Variants in GRIP1 observed in about 807,000 individuals in gnomAD.
The protein encoded by GRIP1 is glutamate receptor interacting protein 1.
In GRIP1, 45 loss-of-function variants were observed where a neutral mutation model predicts 129.9. The ratio of observed to expected loss-of-function variants is 0.35; its 90% CI spans 0.27 to 0.44. The LOEUF is 0.44. GRIP1 is among the 20% of genes least tolerant of loss of function. GRIP1 has a pLI of 1.00. For synonymous variants in GRIP1, 530 were observed against 520.8 expected, an observed-to-expected ratio of 1.02 and a Z score of -0.24; for missense variants, 1,196 against 1,396.8, an observed-to-expected ratio of 0.86 and a Z score of 2.29.
intron 1 of GRIP1, among the ~76,000 whole-genome samples, chr12:66,810,720 T>C (rs186975468): frequency 1.3e-5 from 2 of 152,326 alleles, no homozygotes; most frequent in African/African-American, 4.8e-5. Context: ...AGCATTGTGA[T>C]AACCCAAAAT....
At chr12:66,554,995 C>A (rs2062274286) in intron 2 of GRIP1, among the ~76,000 whole-genome samples, 1 of 152,204 alleles carries the variant, frequency 6.6e-6, no homozygotes, top group Non-Finnish European at 1.5e-5. Flanking sequence ...ACTCTTCACC[C>A]TGAAGGATGG....
intron 1 of GRIP1, among the ~76,000 whole-genome samples, chr12:66,699,186 G>A (rs2035265431): frequency 6.6e-6 from 1 of 152,166 alleles, no homozygotes; most frequent in Admixed American, 6.5e-5. Flanking sequence ...CTTAAGGAGG[G>A]TAAGTCTAGT....
At chr12:66,390,676 T>C (rs1160713420) in intron 19 of GRIP1, among the ~76,000 whole-genome samples, 1 of 152,136 alleles carries the variant, frequency 6.6e-6, no homozygotes, top group Admixed American at 6.5e-5. Flanking sequence ...AAATCTCTGG[T>C]AACAAAAATA....
chr12:66,970,265 A>G (rs2137570025), intron 1 of GRIP1, among the ~76,000 whole-genome samples: 1 of 152,206 alleles, frequency 6.6e-6, no homozygotes, highest in East Asian at 1.9e-4. Flanking sequence ...TATTTTTTGT[A>G]TAGATGGGGT....
chr12:66,991,162 A>T (rs1270351197), intron 1 of GRIP1, among the ~76,000 whole-genome samples: 1 of 147,170 alleles, frequency 6.8e-6, no homozygotes, highest in Non-Finnish European at 1.5e-5. Flanking sequence ...AGTCCCAGCT[A>T]CTCGGGAGGC....
intron 1 of GRIP1, among the ~76,000 whole-genome samples, chr12:66,874,641 A>AAG (rs1397574275): frequency 3.4e-4 from 51 of 151,788 alleles, no homozygotes; most frequent in African/African-American, 2.2e-4. Context: ...GAGCAGAAGG[A>AAG]AGAGAGAGAG....
chr12:66,929,818 T>C (rs926694183), intron 1 of GRIP1, among the ~76,000 whole-genome samples: 4 of 152,322 alleles, frequency 2.6e-5, no homozygotes, highest in African/African-American at 9.6e-5. Flanking sequence ...GCTCAGTCCT[T>C]CACTTCTGTC....
At chr12:66,593,235 G>A (rs1259326952) in intron 2 of GRIP1, among the ~76,000 whole-genome samples, 1 of 151,648 alleles carries the variant, frequency 6.6e-6, no homozygotes, top group Non-Finnish European at 1.5e-5. Context: ...GCTCCTAAGA[G>A]TGTTTAATCC....
At chr12:66,778,187 T>C (rs574077636) in intron 1 of GRIP1, among the ~76,000 whole-genome samples, 1 of 152,308 alleles carries the variant, frequency 6.6e-6, no homozygotes, top group South Asian at 2.1e-4. Context: ...CAGTAGAATA[T>C]ACAATCATAT....
intron 23 of GRIP1, among the ~76,000 whole-genome samples, chr12:66,366,251 A>G (rs778159135): frequency 1.3e-5 from 2 of 152,188 alleles, no homozygotes; most frequent in Non-Finnish European, 2.9e-5. Flanking sequence ...CAAGAATAAG[A>G]TACATATTTC....
chr12:66,853,078 C>T (rs774205548), intron 1 of GRIP1, among the ~76,000 whole-genome samples: 1 of 151,738 alleles, frequency 6.6e-6, no homozygotes, highest in Non-Finnish European at 1.5e-5. Context: ...TAACAGACAA[C>T]CAAGATGTTA....
chr12:67,056,108 A>C (rs1291861461), intron 1 of GRIP1, among the ~76,000 whole-genome samples: 1 of 152,238 alleles, frequency 6.6e-6, no homozygotes, highest in Non-Finnish European at 1.5e-5. Flanking sequence ...TAAGGGATCC[A>C]AAAAGGAGCC....
intron 1 of GRIP1, among the ~76,000 whole-genome samples, chr12:66,906,367 G>A (rs1014652225): frequency 6.6e-6 from 1 of 152,096 alleles, no homozygotes. Context: ...CCAGGAAGTC[G>A]AAGCTGAAGA....
intron 7 of GRIP1, among the ~76,000 whole-genome samples, chr12:66,501,343 A>T (rs2138777267): frequency 6.6e-6 from 1 of 152,278 alleles, no homozygotes; most frequent in South Asian, 2.1e-4. Flanking sequence ...AAATTACGTC[A>T]CGCCTGGTGG....
chr12:66,582,051 TC>T (rs1233279967), intron 2 of GRIP1, among the ~76,000 whole-genome samples: 1 of 152,122 alleles, frequency 6.6e-6, no homozygotes, highest in Non-Finnish European at 1.5e-5. Flanking sequence ...AAAAAGCTTA[TC>T]CACCATGATC....
In GRIP1 at chr12:67,052,043, A is replaced by G. The variant is rs570732989; in HGVS notation, c.58+17007T>C. Among the ~76,000 whole-genome samples the G allele has an allele frequency of 2.6e-5, 4 of 152,314 alleles. No homozygotes were observed. In the South Asian group the frequency reaches 8.3e-4, roughly 32 times the overall value. ...CACATATCAGTAACAAAGCAAATGGAGGCATATTCTTTAAAATCAATCCTT... is the reference window on the plus strand; with the variant it reads ...CACATATCAGTAACAAAGCAAATGGGGGCATATTCTTTAAAATCAATCCTT... On this transcript the variant is annotated intron_variant, in intron 1 of 1. Transcript: ENST00000643019.
At chr12:66,939,098 T>G (rs1464477648) in intron 1 of GRIP1, among the ~76,000 whole-genome samples, 1 of 152,172 alleles carries the variant, frequency 6.6e-6, no homozygotes, top group African/African-American at 2.4e-5. Context: ...GAAATTCATC[T>G]GCCCTATACT....
chr12:66,439,535 G>C (rs1399584577), intron 13 of GRIP1, among the ~76,000 whole-genome samples: 1 of 152,088 alleles, frequency 6.6e-6, no homozygotes, highest in East Asian at 1.9e-4. Flanking sequence ...GTGTAGTGTA[G>C]TGCTGCAGGT....
At chr12:67,044,630 T>C (rs2043226728) in intron 1 of GRIP1, among the ~76,000 whole-genome samples, 1 of 152,184 alleles carries the variant, frequency 6.6e-6, no homozygotes, top group South Asian at 2.1e-4. Context: ...AATTGCTTTT[T>C]ATCTCATTCT....
Sources: allele counts gnomAD v4.1 joint callset (sites outside exome capture counted in the v4.1 genomes callset), GRCh38; gene constraint gnomAD v4.1.1; transcripts MANE v1.5; gene names NCBI Gene and HGNC (gene_info 2026-07-23, HGNC 2026-07-21).